PDE10A: variants seen among roughly 807,000 people sequenced by gnomAD.
PDE10A encodes cAMP and cAMP-inhibited cGMP 3',5'-cyclic phosphodiesterase 10A.
In PDE10A, 39 loss-of-function variants were observed where a neutral mutation model predicts 97.7. The ratio of observed to expected loss-of-function variants is 0.40; its 90% confidence interval spans 0.31 to 0.52. The LOEUF is 0.52. Among genes scored for constraint, PDE10A ranks in the 20% least tolerant of loss-of-function variants. The pLI, the probability that PDE10A is intolerant of heterozygous loss-of-function variation, is 0.56. For missense variants in PDE10A, 731 were observed against 1,047.8 expected (o/e 0.70, Z 4.17); for synonymous variants, 371 against 376.8 (o/e 0.98, Z 0.18).
At chr6:165,659,444 T>C (rs1231572085) in intron 1 of PDE10A, among the ~76,000 whole-genome samples, 1 of 152,204 alleles carries the variant, frequency 6.6e-6, no homozygotes, top group Non-Finnish European at 1.5e-5. Flanking sequence ...TTCAGACCAG[T>C]GGCTTGTCAG....
intron 1 of PDE10A, among the ~76,000 whole-genome samples, chr6:165,884,129 C>T (rs1781566323): frequency 6.6e-6 from 1 of 152,048 alleles, no homozygotes; most frequent in South Asian, 2.1e-4. Context: ...ACCCACAGTC[C>T]CAACGGCACA....
chr6:165,531,570 C>CA (rs1782778993), intron 2 of PDE10A, among the ~76,000 whole-genome samples: 1 of 152,090 alleles, frequency 6.6e-6, no homozygotes, highest in African/African-American at 2.4e-5. Context: ...CCTTCAACAA[C>CA]AAAAAATTTC....
At chr6:165,956,241 A>G (rs1203516968) in intron 1 of PDE10A, among the ~76,000 whole-genome samples, 1 of 152,196 alleles carries the variant, frequency 6.6e-6, no homozygotes, top group Non-Finnish European at 1.5e-5. Flanking sequence ...AGGGTACCCT[A>G]TTAGCAGGAG....
intron 1 of PDE10A, among the ~76,000 whole-genome samples, chr6:165,553,887 CAA>C (rs1386624971): frequency 1.3e-5 from 2 of 152,056 alleles, no homozygotes; most frequent in Admixed American, 6.6e-5. Flanking sequence ...TTAAACCCAC[CAA>C]AATTTACCCT....
chr6:165,520,547 AG>A (rs1396838075), intron 2 of PDE10A, among the ~76,000 whole-genome samples: 2 of 152,190 alleles, frequency 1.3e-5, no homozygotes, highest in East Asian at 1.9e-4. Context: ...CAGAGCATCT[AG>A]GAGAGTAGAG....
intron 2 of PDE10A, among the ~76,000 whole-genome samples, chr6:165,498,934 A>G (rs79916419): frequency 0.017 from 2,647 of 152,352 alleles, 35 homozygotes; most frequent in Non-Finnish European, 0.028. Flanking sequence ...GTCTGCATGT[A>G]GTAGTTTCAC....
At chr6:165,485,020 T>C (rs903435304) in intron 2 of PDE10A, among the ~76,000 whole-genome samples, 1 of 152,158 alleles carries the variant, frequency 6.6e-6, no homozygotes, top group Non-Finnish European at 1.5e-5. Flanking sequence ...AAGCTGCATT[T>C]AATAGAAAAT....
intron 1 of PDE10A, among the ~76,000 whole-genome samples, chr6:165,552,896 C>G (rs7758026): frequency 0.22 from 33,760 of 151,914 alleles, 5,185 homozygotes; most frequent in African/African-American, 0.42. Flanking sequence ...ATAGGGAGTG[C>G]TATAGGTTTG....
intron 1 of PDE10A, among the ~76,000 whole-genome samples, chr6:165,699,442 A>C (rs904930068): frequency 5.9e-5 from 9 of 152,186 alleles, no homozygotes; most frequent in Admixed American, 4.6e-4. Context: ...ATGAGACAGA[A>C]GATCAGATCA....
chr6:165,636,961 G>A (rs769439713), intron 1 of PDE10A, among the ~76,000 whole-genome samples: 2 of 152,170 alleles, frequency 1.3e-5, no homozygotes, highest in Non-Finnish European at 2.9e-5. Flanking sequence ...GACGATTCAT[G>A]TGAAAATTGT....
At chr6:165,623,682 G>A (rs1788253834) in intron 1 of PDE10A, among the ~76,000 whole-genome samples, 1 of 152,116 alleles carries the variant, frequency 6.6e-6, no homozygotes, top group African/African-American at 2.4e-5. Context: ...GGTCACCAGT[G>A]GCCTCTCAGT....
chr6:165,689,994 TA>T (rs1791227781), intron 1 of PDE10A, among the ~76,000 whole-genome samples: 1 of 152,124 alleles, frequency 6.6e-6, no homozygotes, highest in South Asian at 2.1e-4. Context: ...CATTTTTTTT[TA>T]ACAAGACATT....
At chr6:165,442,956 G>GA (rs1175026643) in intron 5 of PDE10A, among the ~76,000 whole-genome samples, 1 of 151,478 alleles carries the variant, frequency 6.6e-6, no homozygotes, top group East Asian at 2.0e-4. Context: ...TAAAAATACA[G>GA]AAAAAAATAG....
intron 1 of PDE10A, among the ~76,000 whole-genome samples, chr6:165,881,565 ATT>A (rs3049923): frequency 7.4e-6 from 1 of 134,408 alleles, no homozygotes; most frequent in African/African-American, 2.8e-5. Context: ...TGCCCAGCTA[ATT>A]TTTTTTTTTT....
chr6:165,668,145 G>T (rs35385057), upstream of PDE10A, among the ~76,000 whole-genome samples: 94 of 152,278 alleles, frequency 6.2e-4, no homozygotes, highest in Non-Finnish European at 9.3e-4. Flanking sequence ...ATTTCAATAA[G>T]AATAATAAGC....
chr6:165,342,171 T>C (rs528895159), intron 19 of PDE10A, among the ~76,000 whole-genome samples: 4 of 114,698 alleles, frequency 3.5e-5, no homozygotes, highest in Admixed American at 8.7e-5. Flanking sequence ...TATGCACTTA[T>C]GGCATACTTA....
intron 18 of PDE10A, among the ~76,000 whole-genome samples, chr6:165,347,507 A>G (rs9459374): frequency 0.08 from 12,244 of 152,248 alleles, 554 homozygotes; most frequent in Middle Eastern, 0.2. Flanking sequence ...TCTCCATTAC[A>G]GAGAGAAAAA....
At chr6:165,976,702 C>G (rs377604066) in intron 1 of PDE10A, among the ~76,000 whole-genome samples, 2 of 152,202 alleles carry the variant, frequency 1.3e-5, no homozygotes, top group South Asian at 4.1e-4. Flanking sequence ...CTGAATCACT[C>G]AAGAATTTGG....
At chr6:165,731,631 G>A (rs1430481441) in intron 1 of PDE10A, among the ~76,000 whole-genome samples, 1 of 152,178 alleles carries the variant, frequency 6.6e-6, no homozygotes, top group Non-Finnish European at 1.5e-5. Context: ...GGGCTAGATT[G>A]TTGACACTTT....
Sources: allele counts gnomAD v4.1 joint callset (sites outside exome capture counted in the v4.1 genomes callset), GRCh38; gene constraint gnomAD v4.1.1; transcripts MANE v1.5; gene names NCBI Gene and HGNC (gene_info 2026-07-23, HGNC 2026-07-21).